Variants in PLTP observed in about 807,000 individuals in gnomAD.
PLTP encodes BPI fold containing family E.
PLTP carries 43 observed loss-of-function variants against 54.1 expected under a neutral mutation model. That is an observed-to-expected ratio of 0.79 (90% CI 0.62 to 1.02). The LOEUF is 1.02. PLTP is among the 50% of genes least tolerant of loss of function. The pLI is 0.00. For missense variants in PLTP, 604 were observed against 645.9 expected (o/e 0.94, Z 0.70); for synonymous variants, 263 against 264.6 (o/e 0.99, Z 0.06).
chr20:45,911,318 G>A, intron 2 of PLTP, 35 bp downstream of exon 2: 1 of 1,613,606 alleles, frequency 6.2e-7, no homozygotes, highest in Non-Finnish European at 8.5e-7. Flanking sequence ...AACCCCGTCC[G>A]CTCCCGTCCG....
chr20:45,900,832 G>A (rs952432494), intron 12 of PLTP, among the ~76,000 whole-genome samples: 6 of 152,098 alleles, frequency 3.9e-5, no homozygotes, highest in African/African-American at 7.2e-5. Context: ...CCCAGCCAAC[G>A]TGTTTAAAAA....
At chr20:45,909,860 C>T (rs1390993040) in intron 4 of PLTP, 82 bp downstream of exon 4, 3 of 1,561,282 alleles carry the variant, frequency 1.9e-6, no homozygotes, top group Non-Finnish European at 2.6e-6. Flanking sequence ...CTCAGGAAGG[C>T]TAAGGGGGCT....
intron 5 of PLTP, 96 bp downstream of exon 5, chr20:45,909,420 T>C (rs2083268986): frequency 3.7e-6 from 5 of 1,352,968 alleles, no homozygotes; most frequent in Non-Finnish European, 2.1e-6. Flanking sequence ...TTGGACCCAG[T>C]TGGTCTGATT....
intron 12 of PLTP, among the ~76,000 whole-genome samples, chr20:45,901,915 A>G (rs1242192127): frequency 6.8e-6 from 1 of 146,416 alleles, no homozygotes; most frequent in Non-Finnish European, 1.5e-5. Context: ...AAAAAAAAAA[A>G]GAATAATAAC....
At chr20:45,911,498 G>A in intron 1 of PLTP, 35 bp from the exon 2 acceptor site, 1 of 1,599,126 alleles carries the variant, frequency 6.3e-7, no homozygotes. Context: ...AGTTATCTGA[G>A]CCGCTTAAAC....
intron 5 of PLTP, among the ~76,000 whole-genome samples, chr20:45,908,962 ATTTTTTTTTTT>A (rs772186266): frequency 1.7e-5 from 2 of 117,984 alleles, no homozygotes; most frequent in African/African-American, 3.4e-5. Context: ...GCTGTTCTAA[ATTTTTTTTTTT>A]TTTTTTTTTT....
chr20:45,905,140 C>T (rs755006609), intron 8 of PLTP, 22 bp from the exon 9 acceptor site: 2 of 1,612,250 alleles, frequency 1.2e-6, no homozygotes, highest in South Asian at 2.2e-5. Context: ...CATTCACAGT[C>T]AGGGTCAAGG....
chr20:45,907,597 G>T (rs1195170033), intron 7 of PLTP, 95 bp downstream of exon 7: 21 of 1,199,618 alleles, frequency 1.8e-5, no homozygotes, highest in Non-Finnish European at 1.2e-6. Context: ...GGCCACATTT[G>T]AACCCAGGAC....
intron 3 of PLTP, 83 bp from the exon 4 acceptor site, chr20:45,910,153 A>C: frequency 6.7e-7 from 1 of 1,490,458 alleles, no homozygotes; most frequent in Non-Finnish European, 9.3e-7. Context: ...CTCCCCTTTC[A>C]AGTCCAGGCC....
chr20:45,909,499 T>TTGGGGC lies in PLTP; in HGVS notation c.485+11_485+16dup. ...GGGGCTCGAAAAGGGTGAGCTGGGG[T>TTGGGGC]TGGGGCTGGGGCTTACTTGAAGGTT... On this transcript the variant is annotated intron_variant, in intron 5 of 15. Coordinates refer to ENST00000372431, the MANE Select transcript of PLTP (RefSeq NM_006227.4). 3.1e-6 allele frequency: 5 copies of TTGGGGC among 1,613,658 alleles called. No homozygotes were observed. Among genetic ancestry groups the TTGGGGC allele is most frequent in the Non-Finnish European group, 4.2e-6 (5 of 1,179,882 alleles).
intron 10 of PLTP, 115 bp from the exon 11 acceptor site, chr20:45,902,719 C>A: frequency 1.8e-6 from 2 of 1,089,140 alleles, no homozygotes; most frequent in Admixed American, 2.8e-5. Flanking sequence ...TCTCATATTG[C>A]AAATACAGAG....
In PLTP at chr20:45,905,491, G is replaced by A. The variant is rs981041319; in HGVS notation, c.706-373C>T. On this transcript the variant is annotated intron_variant, in intron 8 of 15. Transcript: ENST00000372431. ...CGACTTCTTTAATCTGCATAACAAC[G>A]TGTGTTTTCTTACTAGATTATTTCC... 4.6e-5 allele frequency among the ~76,000 whole-genome samples: 7 copies of A among 152,182 alleles called. No individual in the cohort carries two copies. The East Asian group carries it at 5.8e-4, about 13-fold the overall frequency.
chr20:45,901,106 G>A (rs1331548204), intron 12 of PLTP, among the ~76,000 whole-genome samples: 2 of 152,142 alleles, frequency 1.3e-5, no homozygotes, highest in Non-Finnish European at 2.9e-5. Flanking sequence ...TTTTGTATCT[G>A]CACCGTCTAC....
chr20:45,900,743 G>A (rs552184316), intron 12 of PLTP, among the ~76,000 whole-genome samples: 1 of 152,012 alleles, frequency 6.6e-6, no homozygotes, highest in Non-Finnish European at 1.5e-5. Flanking sequence ...AGCTCAGGCT[G>A]GTATCGAACT....
At chr20:45,899,929 C>T (rs1178236214) in intron 12 of PLTP, 51 bp from the exon 13 acceptor site, 1 of 1,496,006 alleles carries the variant, frequency 6.7e-7, no homozygotes, top group East Asian at 2.5e-5. Context: ...AGCTCCCCTT[C>T]CTCAGGCCAC....
In PLTP at chr20:45,899,613, C is replaced by CA. The variant is rs1267739917; in HGVS notation, c.1282+8dup. On this transcript the variant is annotated intron_variant, in intron 14 of 15. Coordinates refer to ENST00000372431, the MANE Select transcript of PLTP (RefSeq NM_006227.4). ...CCTTTCTTCCTCCATCCTCACACCC[C>CA]AGCCTTACCATTGAGCATGGGCATC... is the stretch of plus-strand genomic sequence containing the variant. 1 of 1,614,000 alleles carries CA rather than the reference C, an allele frequency of 6.2e-7. No individual in the cohort carries two copies. Among genetic ancestry groups the CA allele is most frequent in the East Asian group, 2.2e-5 (1 of 44,880 alleles).
chr20:45,904,861 TG>T lies in PLTP; in HGVS notation c.883-3del, dbSNP rs760174889. On this transcript the variant is annotated splice_region_variant and splice_polypyrimidine_tract_variant and intron_variant, in intron 9 of 15. Transcript: ENST00000372431. The stretch of plus-strand genomic sequence containing the variant: ...CAGCATGTCCAGGTCGTGGGGCACC[TG>T]AACAGGGGAATCAGGAGTGAGGGAG... 1.9e-6 allele frequency: 3 copies of T among 1,614,242 alleles called. No individual in the cohort carries two copies. In the South Asian group the frequency reaches 3.3e-5, roughly 18 times the overall value.
chr20:45,910,934 A>G (rs2083283998), intron 3 of PLTP: 1 of 1,431,550 alleles, frequency 7.0e-7, no homozygotes, highest in African/African-American at 1.4e-5. Flanking sequence ...GGCCCCCTCT[A>G]CATTTTCAAG....
At chr20:45,906,180 G>A (rs755256210) in intron 8 of PLTP, 88 bp downstream of exon 8, 2 of 876,284 alleles carry the variant, frequency 2.3e-6, no homozygotes, top group Non-Finnish European at 3.8e-6. Flanking sequence ...CATCAGAGCT[G>A]TGCTTTAAGA....
Sources: allele counts gnomAD v4.1 joint callset (sites outside exome capture counted in the v4.1 genomes callset), GRCh38; gene constraint gnomAD v4.1.1; transcripts MANE v1.5; gene names NCBI Gene and HGNC (gene_info 2026-07-23, HGNC 2026-07-21).